Variants in ADCK2 observed in about 807,000 individuals in gnomAD.
The protein encoded by ADCK2 is uncharacterized aarF domain-containing protein kinase 2.
Under a neutral mutation model 52.3 loss-of-function variants are expected in ADCK2, and 37 were observed. That is an observed-to-expected ratio of 0.71 (90% CI 0.54 to 0.93). The LOEUF is 0.93. ADCK2 is among the 40% of genes least tolerant of loss of function. The pLI is 0.00. For missense variants in ADCK2, 695 were observed against 798.7 expected (o/e 0.87, Z 1.56); for synonymous variants, 321 against 349.2 (o/e 0.92, Z 0.90).
chr7:140,686,923 T>A, intron 4 of ADCK2, 67 bp from the exon 5 acceptor site: 5 of 1,576,888 alleles, frequency 3.2e-6, no homozygotes, highest in Non-Finnish European at 3.5e-6. Context: ...CCTGGCAACT[T>A]TCTTTCTCTG....
At chr7:140,683,225 C>T (rs1794548013) in intron 4 of ADCK2, among the ~76,000 whole-genome samples, 1 of 152,040 alleles carries the variant, frequency 6.6e-6, no homozygotes. Flanking sequence ...GCAGAGATTG[C>T]AGTGAGCCGA....
rs757071763 is a variant in ADCK2 at position 140,673,545 on chromosome 7, G to A, written c.215G>A (p.Cys72Tyr). Residue 72 changes from cysteine (C) to tyrosine (Y), a missense_variant, in exon 1 of 8, where the codon TGC becomes TAC. Coordinates refer to ENST00000072869, the MANE Select transcript of ADCK2 (RefSeq NM_052853.4). This position sits in a 1 kb window ranked among gnomAD's most constrained non-coding sequence, Gnocchi z 6.4. ...GTTCTGAGTCGGCGAAGGGTCCGCTGCAGCGGGGCGGCTGGCGCGGGGCCC... is the reference window on the plus strand; with the variant it reads ...GTTCTGAGTCGGCGAAGGGTCCGCTACAGCGGGGCGGCTGGCGCGGGGCCC... ...PDVLSRRRVR[C>Y]SGAAGAGPAE... The A allele has an allele frequency of 3.1e-6, 5 of 1,600,808 alleles. No homozygotes were observed. Among genetic ancestry groups the A allele is most frequent in the Non-Finnish European group, 4.2e-6 (5 of 1,177,198 alleles).
rs1794474869 is a variant in ADCK2, at chr7:140,679,253, C to T, written c.1179C>T (p.Val393=). 6.2e-7 allele frequency: 1 copy of T among 1,613,894 alleles called. No individual in the cohort carries two copies. The change falls in exon 3 of 8, where the codon GTC becomes GTT. Residue 393 remains valine (V), a synonymous_variant. Transcript: ENST00000072869. ...TCCCCACCCCTCTGCGCCCCTTTGT[C>T]ACCAGAGAAGTCTTGGTGGAAACGT... ...VKFPTPLRPF[V]TREVLVETYE...
rs775066819 is a variant in ADCK2, at chr7:140,673,444, G to T, written c.114G>T (p.Arg38Ser). The change falls in exon 1 of 8, where the codon AGG (arginine) becomes AGT (serine). Residue 38 changes from arginine to serine, a missense_variant. Coordinates refer to ENST00000072869, the MANE Select transcript of ADCK2 (RefSeq NM_052853.4). The surrounding 1 kb of genome is among the most constrained non-coding windows in gnomAD (Gnocchi z 6.4). The stretch of plus-strand genomic sequence containing the variant: ...CCTCCGAGTGCCCTCGCGATGCCAG[G>T]CTCTGCTGGCTTCTGCTGGGCACTT... ...LRPSECPRDA[R>S]LCWLLLGTLP... 1 of 1,607,166 alleles carries T rather than the reference G, an allele frequency of 6.2e-7. No homozygotes were observed.
At position 140,692,517 on chromosome 7, in the gene ADCK2, C is replaced by T. The variant is rs185640562; in HGVS notation, c.1740+1704C>T. ...GGATTACAGGCAAGTGCCACCATGC[C>T]CAGCTAATTTTTGTATTTTTAGTAA... On this transcript the variant is annotated intron_variant, in intron 7 of 7. Transcript: ENST00000072869. Among the ~76,000 whole-genome samples the T allele has an allele frequency of 1.5e-3, 221 of 152,264 alleles. 2 individuals are homozygous for T. Among genetic ancestry groups the T allele is most frequent in the African/African-American group, 4.9e-3 (202 of 41,556 alleles).
intron 5 of ADCK2, among the ~76,000 whole-genome samples, chr7:140,688,774 C>T (rs1485423810): frequency 6.6e-6 from 1 of 152,106 alleles, no homozygotes; most frequent in Admixed American, 6.6e-5. Flanking sequence ...TTGCAGCCTC[C>T]CCTGTGATTC....
In ADCK2 at chr7:140,674,109, GCCGGAAACCT is replaced by G. The variant is rs1461662694; in HGVS notation, c.782_791del (p.Arg261GlnfsTer10). The G allele has an allele frequency of 6.2e-7, 1 of 1,614,014 alleles. No homozygotes were observed. The highest frequency in any genetic ancestry group is 8.5e-7 in the Non-Finnish European group (1 of 1,180,048). On this transcript the variant is annotated frameshift_variant, in exon 1 of 8. Transcript: ENST00000072869. LOFTEE classifies it high-confidence loss of function. This position sits in a 1 kb window ranked among gnomAD's most constrained non-coding sequence, Gnocchi z 4.6. ...GAGCTCTTTGGATACCTTGGAAATGGCCGGAAACCTCCAGAAAATCTCGCAGACCAGTCGT... is the reference window on the plus strand; with the variant it reads ...GAGCTCTTTGGATACCTTGGAAATGGCCAGAAAATCTCGCAGACCAGTCGT...
chr7:140,694,318 G>A (rs1794759230), intron 7 of ADCK2, among the ~76,000 whole-genome samples: 1 of 152,096 alleles, frequency 6.6e-6, no homozygotes, highest in Non-Finnish European at 1.5e-5. Flanking sequence ...ATACATAAAG[G>A]TTACTGTAGG....
At chr7:140,675,921 G>A (rs1343355419) in intron 2 of ADCK2, among the ~76,000 whole-genome samples, 1 of 152,202 alleles carries the variant, frequency 6.6e-6, no homozygotes, top group Non-Finnish European at 1.5e-5. Context: ...TTAGGTACCT[G>A]TTGGCTCCTT....
Position 140,673,793 on chromosome 7 carries a change from C to A in ADCK2, c.463C>A (p.Arg155=), listed in dbSNP as rs375842361. 11 of 1,613,840 alleles carry A rather than the reference C, an allele frequency of 6.8e-6. No individual in the cohort carries two copies. The highest frequency in any genetic ancestry group is 9.3e-6 in the Non-Finnish European group (11 of 1,180,042). ...YIKLGQWAST[R]RDLFSEAFCA... Reference sequence around the variant, plus strand: ...CAAACTGGGCCAGTGGGCCAGCACCCGGCGCGATCTGTTTTCGGAGGCTTT... The same window carrying A: ...CAAACTGGGCCAGTGGGCCAGCACCAGGCGCGATCTGTTTTCGGAGGCTTT... The change falls in exon 1 of 8, where the codon CGG becomes AGG. Residue 155 remains arginine, a synonymous_variant. Transcript: ENST00000072869. The surrounding 1 kb of genome is among the most constrained non-coding windows in gnomAD (Gnocchi z 6.4).
rs1481469199 is a variant in ADCK2, at chr7:140,678,379, C to T, written c.1081-776C>T. ...TCCAGGTGTCATTGGATATATCACT[C>T]TGGAGACTGGCATTGAGGTCTGACC... On this transcript the variant is annotated intron_variant, in intron 2 of 7. Transcript: ENST00000072869. The surrounding 1 kb of genome is among the most constrained non-coding windows in gnomAD (Gnocchi z 4.9). Among the ~76,000 whole-genome samples, 1 of 152,122 alleles carries T rather than the reference C, an allele frequency of 6.6e-6. No homozygotes were observed. Among genetic ancestry groups the T allele is most frequent in the African/African-American group, 2.4e-5 (1 of 41,432 alleles).
In ADCK2 at chr7:140,674,887, A is replaced by G; in HGVS notation, c.1080+130A>G. ...CATGTGATGTGTTAGAGCTGGTAACACTAGCTGATAAAGAACATCCAAATC... is the reference window on the plus strand; with the variant it reads ...CATGTGATGTGTTAGAGCTGGTAACGCTAGCTGATAAAGAACATCCAAATC... On this transcript the variant is annotated intron_variant, in intron 2 of 7. Transcript: ENST00000072869. This position sits in a 1 kb window ranked among gnomAD's most constrained non-coding sequence, Gnocchi z 4.6. The G allele has an allele frequency of 1.7e-6, 2 of 1,161,002 alleles. No individual in the cohort carries two copies. Among genetic ancestry groups the G allele is most frequent in the Non-Finnish European group, 2.3e-6 (2 of 852,926 alleles). 71.9% of individuals were successfully genotyped at this position (1,161,002 alleles called of 1,614,324 possible).
intron 2 of ADCK2, among the ~76,000 whole-genome samples, chr7:140,676,696 A>G (rs1240467520): frequency 1.3e-5 from 2 of 152,298 alleles, no homozygotes; most frequent in South Asian, 2.1e-4. Flanking sequence ...GTGTCTCTCC[A>G]TTCATTTATA....
rs745744733 is a variant in ADCK2, at chr7:140,674,195, G to C, written c.865G>C (p.Gly289Arg). 1 of 1,614,046 alleles carries C rather than the reference G, an allele frequency of 6.2e-7. No individual in the cohort carries two copies. The highest frequency in any genetic ancestry group is 1.1e-5 in the South Asian group (1 of 91,072). Residue 289 changes from glycine to arginine, a missense_variant, in exon 1 of 8, where the codon GGG becomes CGG. Coordinates refer to ENST00000072869, the MANE Select transcript of ADCK2 (RefSeq NM_052853.4). The surrounding 1 kb of genome is among the most constrained non-coding windows in gnomAD (Gnocchi z 4.6). ...AGCTGACCTGGTTGGATCAAATGCAGGGGTGTCTCGGGCTCAGGTCCCTGG... is the reference window on the plus strand; with the variant it reads ...AGCTGACCTGGTTGGATCAAATGCACGGGTGTCTCGGGCTCAGGTCCCTGG... The part of the protein sequence containing the change: ...PKADLVGSNA[G>R]VSRAQVPGHQ...
intron 7 of ADCK2, 106 bp from the exon 8 acceptor site, chr7:140,694,556 TG>T: frequency 1.9e-6 from 2 of 1,053,276 alleles, no homozygotes; most frequent in Non-Finnish European, 2.8e-6. Context: ...AAACATCCCG[TG>T]GGCAGGTCTG....
At chr7:140,683,721 G>A (rs1274461526) in intron 4 of ADCK2, among the ~76,000 whole-genome samples, 1 of 152,180 alleles carries the variant, frequency 6.6e-6, no homozygotes, top group Non-Finnish European at 1.5e-5. Context: ...GACATCTGGC[G>A]ATGTCTGGAG....
chr7:140,688,695 C>T (rs1794651620), intron 5 of ADCK2, among the ~76,000 whole-genome samples: 1 of 152,216 alleles, frequency 6.6e-6, no homozygotes, highest in African/African-American at 2.4e-5. Context: ...GATGCGACAG[C>T]ATAGAGAACA....
rs1468205174 is a variant in ADCK2 at position 140,673,272 on chromosome 7, G to T, written c.-59G>T. The T allele has an allele frequency of 2.9e-6, 4 of 1,369,424 alleles. No individual in the cohort carries two copies. The highest frequency in any genetic ancestry group is 9.5e-7 in the Non-Finnish European group (1 of 1,054,984). The allele number at this position is 1,369,424 out of a possible 1,614,324, so 84.8% of individuals were successfully genotyped here. A position where few individuals can be genotyped will look rare whatever the true frequency, so the allele number is the denominator to read the frequency against. ...CGGGCTTCGGCTTCACCGCAGCCTC[G>T]CCTGAGCGGGCGCCTCTGAAGTGGA... On this transcript the variant is annotated 5_prime_UTR_variant, in exon 1 of 8. Coordinates refer to ENST00000072869, the MANE Select transcript of ADCK2 (RefSeq NM_052853.4). The surrounding 1 kb of genome is among the most constrained non-coding windows in gnomAD (Gnocchi z 6.4).
chr7:140,679,732 G>C (rs1329297781), intron 3 of ADCK2, among the ~76,000 whole-genome samples: 2 of 142,986 alleles, frequency 1.4e-5, no homozygotes, highest in African/African-American at 5.2e-5. Flanking sequence ...GAGTGCAGTG[G>C]CATGATCTCA....
Sources: gnomAD v4.1 joint callset for allele counts (sites outside exome capture counted in the v4.1 genomes callset) on GRCh38, gnomAD v4.1.1 for gene constraint, Gnocchi (gnomAD v3.1) non-coding constraint, MANE v1.5 for transcripts, NCBI Gene and HGNC (gene_info 2026-07-23, HGNC 2026-07-21) for gene names.